Variants in C14orf132 observed in about 807,000 individuals in gnomAD.
C14orf132 encodes uncharacterized protein C14orf132.
In C14orf132, 6 loss-of-function variants were observed where a neutral mutation model predicts 5.8. The observed-to-expected ratio is 1.03, with a 90% CI of 0.57 to 2.04. The LOEUF (loss-of-function observed/expected upper bound fraction) is 2.04, where lower values mean the gene tolerates loss of function less well. Ranked by LOEUF, C14orf132 falls within the 30% of genes most tolerant of loss-of-function variation. C14orf132 has a pLI of 0.00. For synonymous variants in C14orf132, 51 were observed against 49.8 expected, an observed-to-expected ratio of 1.02 and a Z score of -0.10; for missense variants, 125 against 115.8, an observed-to-expected ratio of 1.08 and a Z score of -0.37.
chr14:96,063,072 T>C (rs138662949), intron 1 of C14orf132, among the ~76,000 whole-genome samples: 1,598 of 151,892 alleles, frequency 0.011, 15 homozygotes, highest in Non-Finnish European at 0.016. Context: ...TTTTAAAGAG[T>C]TTGGAAGGTG....
In C14orf132 at chr14:96,054,973, C is replaced by T. The variant is rs531043280; in HGVS notation, c.27+15446C>T. Reference sequence around the variant, plus strand: ...AACACTGCTGTTCAGCCACGTCTCTCCTCCAGGATTTTTACAACTGATTTT... The same window carrying T: ...AACACTGCTGTTCAGCCACGTCTCTTCTCCAGGATTTTTACAACTGATTTT... On this transcript the variant is annotated intron_variant, in intron 1 of 1. Coordinates refer to ENST00000555004, the MANE Select transcript of C14orf132 (RefSeq NM_001252507.3). 2.0e-5 allele frequency among the ~76,000 whole-genome samples: 3 copies of T among 152,314 alleles called. No individual in the cohort carries two copies. The South Asian group carries it at 6.2e-4, about 32-fold the overall frequency.
At position 96,092,410 on chromosome 14, in the gene C14orf132, T is replaced by C. The variant is rs1437804900; in HGVS notation, c.*5675T>C. On this transcript the variant is annotated 3_prime_UTR_variant, in exon 2 of 2. Coordinates refer to ENST00000555004, the MANE Select transcript of C14orf132 (RefSeq NM_001252507.3). Reference sequence around the variant, plus strand: ...CCTTGGAAATAAATCCTGACAGATGTGCACAGCATATTTGCAGGGAATTTG... The same window carrying C: ...CCTTGGAAATAAATCCTGACAGATGCGCACAGCATATTTGCAGGGAATTTG... 6.6e-6 allele frequency: 1 copy of C among 152,160 alleles called. No homozygotes were observed. Among genetic ancestry groups the C allele is most frequent in the Non-Finnish European group, 1.5e-5 (1 of 68,028 alleles). The allele number at this position is 152,160 out of a possible 1,614,324, so 9.4% of individuals were successfully genotyped here.
intron 1 of C14orf132, among the ~76,000 whole-genome samples, chr14:96,071,914 A>G (rs1566832011): frequency 1.3e-5 from 2 of 152,232 alleles, no homozygotes; most frequent in African/African-American, 4.8e-5. Flanking sequence ...GAGCTTCAGC[A>G]CAGTTCTGGG....
At position 96,089,533 on chromosome 14, in the gene C14orf132, GC is replaced by G. The variant is rs1277050003; in HGVS notation, c.*2801del. 1 of 152,352 alleles carries G rather than the reference GC, an allele frequency of 6.6e-6. No individual in the cohort carries two copies. The allele number at this position is 152,352 out of a possible 1,614,324, so 9.4% of individuals were successfully genotyped here. A position where few individuals can be genotyped will look rare whatever the true frequency, so the allele number is the denominator to read the frequency against. On this transcript the variant is annotated 3_prime_UTR_variant, in exon 2 of 2. Coordinates refer to ENST00000555004, the MANE Select transcript of C14orf132 (RefSeq NM_001252507.3). ...CACCTCCAGGGCACATTTACACAAG[GC>G]CCTGAATCTGCAGAGGCTGTTTCTC...
chr14:96,061,045 T>G (rs943530629), intron 1 of C14orf132, among the ~76,000 whole-genome samples: 3 of 152,192 alleles, frequency 2.0e-5, no homozygotes, highest in Non-Finnish European at 4.4e-5. Context: ...GACCATCACC[T>G]ACTACTAATG....
intron 1 of C14orf132, among the ~76,000 whole-genome samples, chr14:96,055,140 C>T (rs968461981): frequency 1.3e-5 from 2 of 152,208 alleles, no homozygotes; most frequent in Non-Finnish European, 2.9e-5. Context: ...ACTCACACCG[C>T]AGCAAGCGAC....
chr14:96,049,501 T>C (rs1886937605), intron 1 of C14orf132, among the ~76,000 whole-genome samples: 2 of 145,260 alleles, frequency 1.4e-5, no homozygotes, highest in Non-Finnish European at 3.0e-5. Context: ...TATATACGTA[T>C]ATATACGTAT....
chr14:96,081,175 G>T (rs1888021541), intron 1 of C14orf132, among the ~76,000 whole-genome samples: 1 of 152,186 alleles, frequency 6.6e-6, no homozygotes, highest in Admixed American at 6.5e-5. Context: ...ATAAATCCAT[G>T]CATAGTACAT....
At position 96,091,113 on chromosome 14, in the gene C14orf132, G is replaced by A. The variant is rs189191069; in HGVS notation, c.*4378G>A. ...GAGAAAACTGAGGCCAGGGCTGAAC[G>A]CTCACAGCTAAGGAGCTGTGATTCA... On this transcript the variant is annotated 3_prime_UTR_variant, in exon 2 of 2. Transcript: ENST00000555004. 5 of 426,640 alleles carry A rather than the reference G, an allele frequency of 1.2e-5. No homozygotes were observed. The highest frequency in any genetic ancestry group is 1.9e-5 in the Non-Finnish European group (4 of 212,594). The allele number at this position is 426,640 out of a possible 1,614,324, so 26.4% of individuals were successfully genotyped here. A position where few individuals can be genotyped will look rare whatever the true frequency, so the allele number is the denominator to read the frequency against.
rs1399659207 is a variant in C14orf132 at position 96,039,375 on chromosome 14, C to T, written c.-126C>T. ...AGATCTGGAGCCAGAAGCCCAGAGA[C>T]AGCCGAGTGCGCCGTGCGGTCTCCG... On this transcript the variant is annotated 5_prime_UTR_variant, in exon 1 of 2. Transcript: ENST00000555004. The surrounding 1 kb of genome is among the most constrained non-coding windows in gnomAD (Gnocchi z 5.3). 2.1e-6 allele frequency: 2 copies of T among 951,648 alleles called. No individual in the cohort carries two copies. The highest frequency in any genetic ancestry group is 3.4e-5 in the African/African-American group (2 of 58,066). 59.0% of individuals were successfully genotyped at this position (951,648 alleles called of 1,614,324 possible). A position where few individuals can be genotyped will look rare whatever the true frequency, so the allele number is the denominator to read the frequency against.
Position 96,090,952 on chromosome 14 carries a change from T to C in C14orf132, c.*4217T>C, listed in dbSNP as rs1016706545. 3 of 456,130 alleles carry C rather than the reference T, an allele frequency of 6.6e-6. No individual in the cohort carries two copies. The highest frequency in any genetic ancestry group is 1.3e-5 in the Non-Finnish European group (3 of 226,808). 28.3% of individuals were successfully genotyped at this position (456,130 alleles called of 1,614,324 possible). On this transcript the variant is annotated 3_prime_UTR_variant, in exon 2 of 2. Transcript: ENST00000555004. ...TATTAGCAGTAATATTATTCCCAGT[T>C]ATTATTCTTACCGGTGCCAGTTTTG...
At chr14:96,056,476 G>C (rs984989267) in intron 1 of C14orf132, among the ~76,000 whole-genome samples, 1 of 152,198 alleles carries the variant, frequency 6.6e-6, no homozygotes, top group Non-Finnish European at 1.5e-5. Context: ...AAGGGTTTCA[G>C]AGGAAATCAG....
chr14:96,058,665 C>G (rs539737118), intron 1 of C14orf132, among the ~76,000 whole-genome samples: 1 of 152,292 alleles, frequency 6.6e-6, no homozygotes, highest in African/African-American at 2.4e-5. Context: ...TCTGTGCCCT[C>G]AAGCAGAAAG....
At chr14:96,083,483 A>G (rs1484896684) in intron 1 of C14orf132, among the ~76,000 whole-genome samples, 1 of 152,204 alleles carries the variant, frequency 6.6e-6, no homozygotes, top group African/African-American at 2.4e-5. Context: ...AGATGGTAGG[A>G]GTAGCCTGGA....
At chr14:96,073,572 T>C (rs114906011) in intron 1 of C14orf132, among the ~76,000 whole-genome samples, 1,732 of 152,324 alleles carry the variant, frequency 0.011, 37 homozygotes, top group African/African-American at 0.039. Context: ...AGAATGCTTT[T>C]ATACTGTTGG....
At chr14:96,083,087 G>T (rs571695636) in intron 1 of C14orf132, among the ~76,000 whole-genome samples, 2 of 152,186 alleles carry the variant, frequency 1.3e-5, no homozygotes, top group African/African-American at 4.8e-5. Context: ...AGGGCAAAGG[G>T]GACTCCCCAT....
chr14:96,083,944 G>A (rs1322514574), intron 1 of C14orf132, among the ~76,000 whole-genome samples: 4 of 152,224 alleles, frequency 2.6e-5, no homozygotes, highest in Non-Finnish European at 5.9e-5. Flanking sequence ...GTGCCTCCTG[G>A]CAGGAACCCA....
intron 1 of C14orf132, among the ~76,000 whole-genome samples, chr14:96,049,903 T>G (rs1886981653): frequency 6.6e-6 from 1 of 151,914 alleles, no homozygotes. Flanking sequence ...CTTTTGATAC[T>G]AGATATTATA....
chr14:96,076,094 C>T (rs1057415179), intron 1 of C14orf132, among the ~76,000 whole-genome samples: 2 of 152,038 alleles, frequency 1.3e-5, no homozygotes, highest in African/African-American at 4.8e-5. Flanking sequence ...TATTTAATAG[C>T]TATAAGGACT....
Sources: allele counts gnomAD v4.1 joint callset (sites outside exome capture counted in the v4.1 genomes callset), GRCh38; gene constraint gnomAD v4.1.1; non-coding constraint Gnocchi (gnomAD v3.1); transcripts MANE v1.5; gene names NCBI Gene and HGNC (gene_info 2026-07-23, HGNC 2026-07-21).